Variants in PRKG1 observed in about 807,000 individuals in gnomAD.
PRKG1 encodes cGMP-dependent protein kinase 1.
In PRKG1, 35 loss-of-function variants were observed where a neutral mutation model predicts 88.1. That is an observed-to-expected ratio of 0.40 (90% CI 0.30 to 0.53). The LOEUF (loss-of-function observed/expected upper bound fraction) is 0.53, where lower values mean the gene tolerates loss of function less well. PRKG1 is among the 20% of genes least tolerant of loss of function. The probability of loss-of-function intolerance (pLI) is 0.59; values close to 1 mark genes in which losing one functional copy is unlikely to be tolerated. For missense variants in PRKG1, 540 were observed against 839.8 expected (o/e 0.64, Z 4.41); for synonymous variants, 303 against 292.5 (o/e 1.04, Z -0.37).
intron 5 of PRKG1, among the ~76,000 whole-genome samples, chr10:51,944,052 T>C (rs1366476857): frequency 1.3e-5 from 2 of 152,060 alleles, no homozygotes; most frequent in East Asian, 3.9e-4. Context: ...CTTGTACCTC[T>C]GGTAGAATTC....
chr10:51,819,863 AC>A (rs1175665099), intron 4 of PRKG1, among the ~76,000 whole-genome samples: 8 of 152,122 alleles, frequency 5.3e-5, no homozygotes, highest in Non-Finnish European at 1.2e-4. Context: ...ACCTTGATAT[AC>A]CCAGAAAAAG....
chr10:51,385,844 T>C (rs149439829), intron 2 of PRKG1, among the ~76,000 whole-genome samples: 4 of 152,342 alleles, frequency 2.6e-5, no homozygotes, highest in South Asian at 4.1e-4. Context: ...ACAGGGATTA[T>C]CTCCTAGTTT....
intron 2 of PRKG1, among the ~76,000 whole-genome samples, chr10:51,297,236 C>A (rs1840744819): frequency 1.3e-5 from 2 of 152,006 alleles, no homozygotes; most frequent in African/African-American, 4.8e-5. Flanking sequence ...AAGTAAATGA[C>A]CTTGAGGGTA....
chr10:51,754,281 G>T (rs1837801201), intron 3 of PRKG1, among the ~76,000 whole-genome samples: 1 of 152,114 alleles, frequency 6.6e-6, no homozygotes, highest in African/African-American at 2.4e-5. Flanking sequence ...TTTCCATCTT[G>T]ATCTATCCTG....
intron 2 of PRKG1, among the ~76,000 whole-genome samples, chr10:51,462,757 C>T (rs896714394): frequency 6.6e-6 from 1 of 152,142 alleles, no homozygotes; most frequent in African/African-American, 2.4e-5. Flanking sequence ...ACCCTTTAAA[C>T]GTCATTTTAG....
intron 2 of PRKG1, among the ~76,000 whole-genome samples, chr10:51,178,682 T>C (rs901994628): frequency 6.6e-6 from 1 of 152,096 alleles, no homozygotes; most frequent in South Asian, 2.1e-4. Flanking sequence ...AAATCCTTTC[T>C]CCTATTTTTC....
intron 2 of PRKG1, among the ~76,000 whole-genome samples, chr10:51,413,344 G>GTT (rs11436929): frequency 1.4e-4 from 21 of 146,188 alleles, no homozygotes; most frequent in African/African-American, 2.7e-4. Flanking sequence ...TAAAAAAAAT[G>GTT]TTTTTTTTTT....
chr10:51,714,108 TA>T, intron 3 of PRKG1, among the ~76,000 whole-genome samples: 1 of 152,188 alleles, frequency 6.6e-6, no homozygotes, highest in East Asian at 1.9e-4. Flanking sequence ...GCCTCCCGAG[TA>T]GCTGGGACTA....
intron 4 of PRKG1, among the ~76,000 whole-genome samples, chr10:51,834,678 C>CAGAA (rs200925527): frequency 0.014 from 1,440 of 106,500 alleles, 8 homozygotes; most frequent in Admixed American, 0.021. Flanking sequence ...GAAAGAAAGA[C>CAGAA]AGAAAGAAAG....
intron 2 of PRKG1, among the ~76,000 whole-genome samples, chr10:51,446,707 T>C (rs993927474): frequency 3.3e-5 from 5 of 152,082 alleles, no homozygotes; most frequent in Non-Finnish European, 7.4e-5. Flanking sequence ...GTTCTGCTTT[T>C]CTAAAATATA....
intron 3 of PRKG1, among the ~76,000 whole-genome samples, chr10:51,524,606 G>A (rs1841829765): frequency 6.6e-6 from 1 of 152,132 alleles, no homozygotes. Flanking sequence ...ACACAGGCAA[G>A]TTACTGGAGT....
Position 52,027,612 on chromosome 10 carries a change from A to C in PRKG1, c.763-26872A>C, listed in dbSNP as rs114148505. Among the ~76,000 whole-genome samples, 442 of 152,304 alleles carry C rather than the reference A, an allele frequency of 2.9e-3. 1 individual carries two copies. The highest frequency in any genetic ancestry group is 9.5e-3 in the African/African-American group (396 of 41,570). ...AAACAATGGTGAGCATGGGATAAGG[A>C]GGTAATAATTCAGTCAGCCTTTGCA... On this transcript the variant is annotated intron_variant, in intron 5 of 17. Transcript: ENST00000373980.
chr10:51,541,524 A>G (rs763625439), intron 3 of PRKG1, among the ~76,000 whole-genome samples: 25 of 152,232 alleles, frequency 1.6e-4, no homozygotes, highest in Non-Finnish European at 2.5e-4. Flanking sequence ...TGTGATTACA[A>G]TTCAGAGGTT....
chr10:51,001,264 A>C (rs1842886026), intron 1 of PRKG1, among the ~76,000 whole-genome samples: 1 of 152,210 alleles, frequency 6.6e-6, no homozygotes, highest in South Asian at 2.1e-4. Flanking sequence ...CTCCACAGCG[A>C]GGCCTCTCAT....
At chr10:51,465,185 T>C (rs10823045) in intron 2 of PRKG1, among the ~76,000 whole-genome samples, 68,849 of 151,848 alleles carry the variant, frequency 0.45, 16,243 homozygotes, top group African/African-American at 0.53. Context: ...AAATTAGTTC[T>C]GATGTAATGG....
intron 3 of PRKG1, among the ~76,000 whole-genome samples, chr10:51,647,855 T>A (rs1051100427): frequency 1.3e-5 from 2 of 152,176 alleles, no homozygotes; most frequent in Non-Finnish European, 2.9e-5. Flanking sequence ...TGATAATTTA[T>A]AATTATTTGC....
chr10:51,475,939 C>T (rs1343283233), intron 3 of PRKG1, among the ~76,000 whole-genome samples: 1 of 151,998 alleles, frequency 6.6e-6, no homozygotes, highest in East Asian at 1.9e-4. Flanking sequence ...GGTGAATGGA[C>T]ATTTTTAAGA....
At chr10:51,142,709 T>A (rs533525515) in intron 1 of PRKG1, among the ~76,000 whole-genome samples, 12 of 152,156 alleles carry the variant, frequency 7.9e-5, no homozygotes, top group African/African-American at 2.9e-4. Flanking sequence ...ACCTGTCAAA[T>A]AAGGACAAAT....
intron 3 of PRKG1, among the ~76,000 whole-genome samples, chr10:51,622,729 T>G (rs1839240340): frequency 6.6e-6 from 1 of 152,166 alleles, no homozygotes; most frequent in Non-Finnish European, 1.5e-5. Flanking sequence ...AAGCTGACCA[T>G]TATTGTCAAA....
Sources: allele counts gnomAD v4.1 joint callset (sites outside exome capture counted in the v4.1 genomes callset), GRCh38; gene constraint gnomAD v4.1.1; transcripts MANE v1.5; gene names NCBI Gene and HGNC (gene_info 2026-07-23, HGNC 2026-07-21).